LRBA: variants seen among roughly 807,000 people sequenced by gnomAD.
LRBA encodes the protein LPS responsive beige-like anchor protein, also known as lipopolysaccharide-responsive and beige-like anchor protein.
LRBA carries 176 observed loss-of-function variants against 330.0 expected under a neutral mutation model. That is an observed-to-expected ratio of 0.53 (90% CI 0.47 to 0.60). The LOEUF is 0.60. Among genes scored for constraint, LRBA ranks in the 20% least tolerant of loss-of-function variants. The probability of loss-of-function intolerance (pLI) is 0.00; values close to 1 mark genes in which losing one functional copy is unlikely to be tolerated. For missense variants in LRBA, 3,259 were observed against 3,444.8 expected, an observed-to-expected ratio of 0.95 and a Z score of 1.35; for synonymous variants, 1,230 against 1,193.0, an observed-to-expected ratio of 1.03 and a Z score of -0.64.
rs78016770 is a variant in LRBA, at chr4:150,795,635, A to C, written c.5580+2446T>G. Among the ~76,000 whole-genome samples the C allele has an allele frequency of 1.0e-3, 152 of 152,134 alleles. 3 individuals carry two copies. Among genetic ancestry groups the C allele is most frequent in the African/African-American group, 3.6e-3 (149 of 41,558 alleles). On this transcript the variant is annotated intron_variant, in intron 34 of 56. Coordinates refer to ENST00000651943, the MANE Select transcript of LRBA (RefSeq NM_001364905.1). ...AATAACATTTTGCCTAAACAATATTAACATTTAAATAGACTAAAATATGAA... is the reference window on the plus strand; with the variant it reads ...AATAACATTTTGCCTAAACAATATTCACATTTAAATAGACTAAAATATGAA...
chr4:150,610,803 C>T (rs1775181456), intron 37 of LRBA, among the ~76,000 whole-genome samples: 2 of 152,088 alleles, frequency 1.3e-5, no homozygotes, highest in African/African-American at 4.8e-5. Flanking sequence ...GACATTGACT[C>T]ATTGGGAAAT....
intron 48 of LRBA, among the ~76,000 whole-genome samples, chr4:150,349,698 C>A (rs964520045): frequency 4.6e-5 from 7 of 152,024 alleles, no homozygotes; most frequent in Admixed American, 4.6e-4. Flanking sequence ...TATTTTCCTA[C>A]AAAAATCATG....
intron 40 of LRBA, among the ~76,000 whole-genome samples, chr4:150,505,255 C>A (rs1306979614): frequency 6.6e-6 from 1 of 152,154 alleles, no homozygotes; most frequent in East Asian, 1.9e-4. Flanking sequence ...GAACTCTCCA[C>A]CCCAAATCAA....
At chr4:150,721,233 A>T in intron 36 of LRBA, 1 of 427,908 alleles carries the variant, frequency 2.3e-6, no homozygotes, top group South Asian at 2.4e-5. Context: ...AGAAGTTTCT[A>T]CTTTTCTTTT....
rs1782696904 is a variant in LRBA at position 150,677,839 on chromosome 4, A to AGAGAC, written c.5921+5711_5921+5712insGTCTC. 2.6e-5 allele frequency among the ~76,000 whole-genome samples: 4 copies of AGAGAC among 151,322 alleles called. 1 individual carries two copies. In the South Asian group the frequency reaches 8.4e-4, roughly 32 times the overall value. On this transcript the variant is annotated intron_variant, in intron 37 of 56. Coordinates refer to ENST00000651943, the MANE Select transcript of LRBA (RefSeq NM_001364905.1). ...AAGAAAAAGAAAAAGAAAAAAGAAA[A>AGAGAC]GAGAAAAGTGTATAGTTCTCTGATT...
chr4:150,579,294 C>T (rs1770919461), intron 40 of LRBA: 4 of 456,240 alleles, frequency 8.8e-6, no homozygotes, highest in Non-Finnish European at 1.8e-5. Flanking sequence ...AATTATTCAA[C>T]CAGAGGAAGA....
chr4:150,436,655 C>T (rs1751149411), intron 45 of LRBA, 69 bp downstream of exon 45: 1 of 1,359,242 alleles, frequency 7.4e-7, no homozygotes, highest in Non-Finnish European at 1.0e-6. Context: ...CTTATGAGTT[C>T]TAATTTTTGC....
intron 35 of LRBA, among the ~76,000 whole-genome samples, chr4:150,754,483 G>A (rs1326535523): frequency 6.8e-6 from 1 of 147,272 alleles, no homozygotes; most frequent in Non-Finnish European, 1.5e-5. Context: ...GGAGCTAAGC[G>A]GTTGCAGCCT....
At chr4:150,288,538 G>A (rs1035503716) in intron 53 of LRBA, among the ~76,000 whole-genome samples, 5 of 152,020 alleles carry the variant, frequency 3.3e-5, no homozygotes, top group South Asian at 4.1e-4. Context: ...GCAGTGAGCC[G>A]AGATCACGCC....
intron 36 of LRBA, among the ~76,000 whole-genome samples, chr4:150,693,546 A>G (rs1784338071): frequency 8.1e-6 from 1 of 123,232 alleles, no homozygotes; most frequent in Non-Finnish European, 1.7e-5. Flanking sequence ...CCTGGGTGAC[A>G]GAGCGAGACT....
intron 47 of LRBA, among the ~76,000 whole-genome samples, chr4:150,359,154 G>A (rs1375501441): frequency 6.6e-6 from 1 of 152,096 alleles, no homozygotes; most frequent in Non-Finnish European, 1.5e-5. Flanking sequence ...TTGTGTATGC[G>A]ATTGCATACT....
rs575554882 is a variant in LRBA, at chr4:150,897,861, C to A, written c.1925-43G>T. 3.9e-6 allele frequency: 5 copies of A among 1,288,698 alleles called. No individual in the cohort carries two copies. In the Admixed American group the frequency reaches 9.0e-5, roughly 23 times the overall value. The allele number at this position is 1,288,698 out of a possible 1,614,324, so 79.8% of individuals were successfully genotyped here. ...ACATACACATTTAGTATTTAAAGGA[C>A]CTCAAAGCTGTCAAAGTATAAAATT... On this transcript the variant is annotated intron_variant, in intron 14 of 56. Coordinates refer to ENST00000651943, the MANE Select transcript of LRBA (RefSeq NM_001364905.1).
chr4:150,386,737 C>T lies in LRBA; in HGVS notation c.7194+28701G>A, dbSNP rs192883379. Reference sequence around the variant, plus strand: ...GTGCTGCAATGAACATCCATGCAGACGTATATTTATAATAGTATAACATAT... The same window carrying T: ...GTGCTGCAATGAACATCCATGCAGATGTATATTTATAATAGTATAACATAT... On this transcript the variant is annotated intron_variant, in intron 47 of 56. Transcript: ENST00000651943. 1.4e-4 allele frequency among the ~76,000 whole-genome samples: 21 copies of T among 152,164 alleles called. No individual in the cohort carries two copies. The East Asian group carries it at 2.3e-3, about 17-fold the overall frequency.
chr4:150,896,181 C>T (rs1282605126), intron 16 of LRBA, among the ~76,000 whole-genome samples: 2 of 152,016 alleles, frequency 1.3e-5, no homozygotes, highest in East Asian at 1.9e-4. Flanking sequence ...AATGTTAGTA[C>T]TTTTTAAAGC....
intron 42 of LRBA, among the ~76,000 whole-genome samples, chr4:150,482,327 A>G (rs1462583123): frequency 6.6e-6 from 1 of 152,042 alleles, no homozygotes; most frequent in Non-Finnish European, 1.5e-5. Context: ...ACCTAGTATA[A>G]TATTTTCAAA....
intron 56 of LRBA, among the ~76,000 whole-genome samples, chr4:150,272,830 T>TTGA: frequency 6.6e-6 from 1 of 152,084 alleles, no homozygotes; most frequent in African/African-American, 2.4e-5. Flanking sequence ...AAATCTACAT[T>TTGA]TGATTTGTAT....
intron 56 of LRBA, among the ~76,000 whole-genome samples, chr4:150,269,419 T>C (rs550604746): frequency 6.7e-4 from 102 of 152,250 alleles, no homozygotes; most frequent in Middle Eastern, 3.4e-3. Flanking sequence ...GCTGGGAAAA[T>C]AGGATGTCCA....
At chr4:150,403,750 G>A (rs774416360) in intron 47 of LRBA, among the ~76,000 whole-genome samples, 3 of 152,044 alleles carry the variant, frequency 2.0e-5, no homozygotes, top group Non-Finnish European at 2.9e-5. Flanking sequence ...GGCTGGGCAC[G>A]GTGGCTCACA....
intron 46 of LRBA, among the ~76,000 whole-genome samples, chr4:150,428,514 C>T (rs1483393463): frequency 1.3e-5 from 2 of 152,034 alleles, no homozygotes; most frequent in African/African-American, 2.4e-5. Context: ...TTGAGTTTGG[C>T]TGTGCCCTTC....
Sources: allele counts gnomAD v4.1 joint callset (sites outside exome capture counted in the v4.1 genomes callset), GRCh38; gene constraint gnomAD v4.1.1; transcripts MANE v1.5; gene names NCBI Gene and HGNC (gene_info 2026-07-23, HGNC 2026-07-21).